Variants in GBE1 observed in about 807,000 individuals in gnomAD.
GBE1 encodes the protein 1,4-alpha-glucan branching enzyme 1, also known as 1,4-alpha-glucan-branching enzyme.
In GBE1, 70 loss-of-function variants were observed where a neutral mutation model predicts 88.8. The ratio of observed to expected loss-of-function variants is 0.79; its 90% CI spans 0.65 to 0.96. The LOEUF (loss-of-function observed/expected upper bound fraction) is 0.96. Among genes scored for constraint, GBE1 ranks in the 40% least tolerant of loss-of-function variants. The probability of loss-of-function intolerance (pLI) is 0.00; values close to 1 mark genes in which losing one functional copy is unlikely to be tolerated. For missense variants in GBE1, 872 were observed against 871.0 expected, an observed-to-expected ratio of 1.00 and a Z score of -0.01; for synonymous variants, 284 against 300.1, an observed-to-expected ratio of 0.95 and a Z score of 0.56.
intron 12 of GBE1, among the ~76,000 whole-genome samples, chr3:81,560,780 T>C: frequency 6.6e-6 from 1 of 152,032 alleles, no homozygotes; most frequent in Non-Finnish European, 1.5e-5. Context: ...GGGTTGTTTC[T>C]CTTATGCTAT....
Position 81,621,639 on chromosome 3 carries a change from T to C in GBE1, c.992+21142A>G, listed in dbSNP as rs891887183. ...TCTTCGGCTGTCCTGTCCACACTTA[T>C]CCAAATTAGAATTCTCACGGTCTAT... On this transcript the variant is annotated intron_variant, in intron 7 of 15. Transcript: ENST00000429644. Among the ~76,000 whole-genome samples, 3 of 152,162 alleles carry C rather than the reference T, an allele frequency of 2.0e-5. No homozygotes were observed. The East Asian group carries it at 5.8e-4, about 29-fold the overall frequency.
intron 1 of GBE1, among the ~76,000 whole-genome samples, chr3:81,726,980 T>C (rs1356513968): frequency 2.6e-5 from 4 of 152,176 alleles, no homozygotes; most frequent in East Asian, 1.9e-4. Context: ...GTCTACGTCA[T>C]GGTGACTTAT....
At chr3:81,597,147 T>A (rs996124940) in intron 7 of GBE1, among the ~76,000 whole-genome samples, 2 of 151,780 alleles carry the variant, frequency 1.3e-5, no homozygotes, top group African/African-American at 4.8e-5. Flanking sequence ...TGGTAAAAAG[T>A]ACAATAAAAA....
At chr3:81,747,233 A>C (rs1706429832) in intron 1 of GBE1, among the ~76,000 whole-genome samples, 1 of 152,236 alleles carries the variant, frequency 6.6e-6, no homozygotes, top group African/African-American at 2.4e-5. Context: ...AAATGAAAAA[A>C]TTGAAATTTT....
At chr3:81,646,625 T>C (rs1417922922) in intron 5 of GBE1, 143 bp from the exon 6 acceptor site, 1 of 574,148 alleles carries the variant, frequency 1.7e-6, no homozygotes, top group Admixed American at 3.8e-5. Flanking sequence ...TCTACTACTT[T>C]AACATTTTTT....
chr3:81,504,024 A>C (rs1702623453), intron 14 of GBE1, among the ~76,000 whole-genome samples: 1 of 152,092 alleles, frequency 6.6e-6, no homozygotes, highest in South Asian at 2.1e-4. Context: ...AGCAAGGAGG[A>C]GGAGTGAAGC....
rs1704191762 is a variant in GBE1 at position 81,612,240 on chromosome 3, A to AC, written c.993-18218_993-18217insG. On this transcript the variant is annotated intron_variant, in intron 7 of 15. Transcript: ENST00000429644. Reference sequence around the variant, plus strand: ...TCCTTTAAAAAAAAAAAAAAAAAAAAAAACTTAAAGAAGCTCTCTGGTTCC... The same window carrying AC: ...TCCTTTAAAAAAAAAAAAAAAAAAAACAAACTTAAAGAAGCTCTCTGGTTCC... 2.3e-5 allele frequency: 12 copies of AC among 533,024 alleles called. No individual in the cohort carries two copies. The African/African-American group carries it at 2.3e-4, about 10-fold the overall frequency. The allele number at this position is 533,024 out of a possible 1,614,324, so 33.0% of individuals were successfully genotyped here. A position where few individuals can be genotyped will look rare whatever the true frequency, so the allele number is the denominator to read the frequency against.
intron 12 of GBE1, among the ~76,000 whole-genome samples, chr3:81,537,801 C>A (rs187390741): frequency 3.3e-5 from 5 of 152,032 alleles, no homozygotes; most frequent in African/African-American, 1.2e-4. Flanking sequence ...AGTGTGCCTG[C>A]ATGCTTATGC....
intron 8 of GBE1, 122 bp downstream of exon 8, chr3:81,593,786 A>G: frequency 1.7e-6 from 1 of 573,062 alleles, no homozygotes; most frequent in East Asian, 3.4e-5. Context: ...TTTTGCCAAA[A>G]TGGGATAATA....
chr3:81,570,402 C>T (rs1703558057), intron 12 of GBE1, among the ~76,000 whole-genome samples: 1 of 152,138 alleles, frequency 6.6e-6, no homozygotes, highest in Non-Finnish European at 1.5e-5. Context: ...AGATGTTTCT[C>T]ATAAGTGTGA....
chr3:81,648,970 T>C lies in GBE1; in HGVS notation c.577A>G (p.Lys193Glu). ...SYEFKHSRPK[K>E]PRSLRIYESH... ...TCATAAATTCTTAGACTCCGTGGCT[T>C]CTTTGGTCTGGAATGCTTAAACTAC... The change falls in exon 5 of 16, where the codon AAG becomes GAG. Residue 193 changes from lysine to glutamate, a missense_variant. Lys to Glu is a moderately conservative substitution (Grantham distance 56, BLOSUM62 1). Transcript: ENST00000429644. 1 of 1,586,820 alleles carries C rather than the reference T, an allele frequency of 6.3e-7. No individual in the cohort carries two copies. The highest frequency in any genetic ancestry group is 8.6e-7 in the Non-Finnish European group (1 of 1,165,032).
chr3:81,494,576 T>C (rs959889163), intron 15 of GBE1, among the ~76,000 whole-genome samples: 4 of 152,198 alleles, frequency 2.6e-5, no homozygotes, highest in African/African-American at 9.7e-5. Context: ...ACATATCTCA[T>C]ATGCTCATTT....
At chr3:81,596,152 A>T (rs191860600) in intron 7 of GBE1, among the ~76,000 whole-genome samples, 1 of 152,138 alleles carries the variant, frequency 6.6e-6, no homozygotes, top group Non-Finnish European at 1.5e-5. Flanking sequence ...AGTAAAGAAT[A>T]AAAATTTAGA....
At chr3:81,501,431 G>C (rs1423209596) in intron 14 of GBE1, among the ~76,000 whole-genome samples, 3 of 152,084 alleles carry the variant, frequency 2.0e-5, no homozygotes, top group Middle Eastern at 6.3e-3. Flanking sequence ...GGATCAAAGA[G>C]CTCTTTCTCC....
chr3:81,509,915 T>C (rs564064812), intron 14 of GBE1, among the ~76,000 whole-genome samples: 3 of 152,148 alleles, frequency 2.0e-5, no homozygotes, highest in Non-Finnish European at 4.4e-5. Context: ...ATCCTTCATT[T>C]TGGATAATTT....
chr3:81,761,503 C>T lies in GBE1; in HGVS notation c.15G>A (p.Met5Ile), dbSNP rs62267114. MAAPMTPAARPEDYE... is the reference protein window; with the variant it reads MAAPITPAARPEDYE... Reference sequence around the variant, plus strand: ...AGTCCTCGGGCCGAGCCGCGGGAGTCATCGGAGCCGCCATATTCCGCCGCA... The same window carrying T: ...AGTCCTCGGGCCGAGCCGCGGGAGTTATCGGAGCCGCCATATTCCGCCGCA... Residue 5 changes from methionine to isoleucine, a missense_variant, in exon 1 of 16, where the codon ATG (methionine) becomes ATA (isoleucine). By Grantham distance (10) the Met-to-Ile change is conservative (BLOSUM62 1). Transcript: ENST00000429644. 2,421 of 1,604,598 alleles carry T rather than the reference C, an allele frequency of 1.5e-3. 3 individuals carry two copies. The highest frequency in any genetic ancestry group is 1.9e-3 in the Non-Finnish European group (2,264 of 1,177,014).
At chr3:81,578,452 A>G (rs1487815621) in intron 11 of GBE1, among the ~76,000 whole-genome samples, 1 of 151,538 alleles carries the variant, frequency 6.6e-6, no homozygotes, top group Non-Finnish European at 1.5e-5. Flanking sequence ...TTTAAAATAG[A>G]TTGTATATAA....
intron 12 of GBE1, among the ~76,000 whole-genome samples, chr3:81,561,069 A>G (rs868598889): frequency 2.0e-5 from 3 of 152,056 alleles, no homozygotes; most frequent in Non-Finnish European, 4.4e-5. Flanking sequence ...GCTGTATTAC[A>G]AAATTCCTTA....
chr3:81,661,366 T>C (rs961479800), intron 3 of GBE1, among the ~76,000 whole-genome samples: 2 of 152,180 alleles, frequency 1.3e-5, no homozygotes, highest in African/African-American at 4.8e-5. Context: ...ACAGTATAAT[T>C]TTTTAGATAA....
Sources: gnomAD v4.1 joint callset for allele counts (sites outside exome capture counted in the v4.1 genomes callset) on GRCh38, gnomAD v4.1.1 for gene constraint, MANE v1.5 for transcripts, NCBI Gene and HGNC (gene_info 2026-07-23, HGNC 2026-07-21) for gene names.